RANBP17: variants seen among roughly 807,000 people sequenced by gnomAD.
RANBP17 encodes ran-binding protein 17.
Under a neutral mutation model 141.2 loss-of-function variants are expected in RANBP17, and 158 were observed. The ratio of observed to expected loss-of-function variants is 1.12; its 90% CI spans 0.98 to 1.28. The LOEUF (loss-of-function observed/expected upper bound fraction) is 1.28, where lower values mean the gene tolerates loss of function less well. Ranked by LOEUF, RANBP17 falls within the 50% of genes most tolerant of loss-of-function variation. RANBP17 has a pLI of 0.00. For synonymous variants in RANBP17, 430 were observed against 450.0 expected, an observed-to-expected ratio of 0.96 and a Z score of 0.56; for missense variants, 1,438 against 1,290.7, an observed-to-expected ratio of 1.11 and a Z score of -1.75.
intron 18 of RANBP17, among the ~76,000 whole-genome samples, chr5:171,184,670 A>G (rs1359936025): frequency 6.6e-6 from 1 of 152,204 alleles, no homozygotes; most frequent in Non-Finnish European, 1.5e-5. Flanking sequence ...AATTAGTTAG[A>G]TTTAGTTACT....
intron 13 of RANBP17, among the ~76,000 whole-genome samples, chr5:170,966,560 A>G (rs1385502776): frequency 6.6e-6 from 1 of 152,152 alleles, no homozygotes; most frequent in Non-Finnish European, 1.5e-5. Flanking sequence ...GATAAGAGCT[A>G]TCTATGACAA....
intron 25 of RANBP17, among the ~76,000 whole-genome samples, chr5:171,268,309 CA>C (rs1766867169): frequency 6.6e-6 from 1 of 152,124 alleles, no homozygotes; most frequent in Admixed American, 6.5e-5. Context: ...GACCCCACAA[CA>C]ACCCTGAAAA....
chr5:170,943,596 G>A (rs893397493), intron 12 of RANBP17, among the ~76,000 whole-genome samples: 1 of 151,922 alleles, frequency 6.6e-6, no homozygotes, highest in Non-Finnish European at 1.5e-5. Flanking sequence ...TAGAAAAATG[G>A]AAAATTATAA....
At chr5:171,141,178 T>C (rs1229320684) in intron 14 of RANBP17, among the ~76,000 whole-genome samples, 1 of 152,196 alleles carries the variant, frequency 6.6e-6, no homozygotes, top group Non-Finnish European at 1.5e-5. Flanking sequence ...CCTTTCACTA[T>C]AACATGATTT....
chr5:170,888,924 A>G (rs1193919394), intron 3 of RANBP17, among the ~76,000 whole-genome samples: 3 of 152,072 alleles, frequency 2.0e-5, no homozygotes, highest in East Asian at 1.9e-4. Flanking sequence ...TTCAACATCA[A>G]TGGATGTTGA....
intron 14 of RANBP17, among the ~76,000 whole-genome samples, chr5:171,098,847 T>C (rs1252928898): frequency 6.6e-6 from 1 of 152,214 alleles, no homozygotes; most frequent in African/African-American, 2.4e-5. Flanking sequence ...GTTTCAGTTT[T>C]CTGCAACCCC....
intron 12 of RANBP17, among the ~76,000 whole-genome samples, chr5:170,942,109 T>C (rs1459029154): frequency 1.3e-5 from 2 of 152,164 alleles, no homozygotes; most frequent in Non-Finnish European, 2.9e-5. Flanking sequence ...GAAGTGCACA[T>C]GCGAGGGATC....
chr5:171,222,256 T>G (rs910544548), intron 22 of RANBP17, among the ~76,000 whole-genome samples: 1 of 152,200 alleles, frequency 6.6e-6, no homozygotes, highest in African/African-American at 2.4e-5. Context: ...TATGAAGAAC[T>G]TTTGGGTACT....
chr5:171,219,738 C>T (rs1763436127), intron 21 of RANBP17, among the ~76,000 whole-genome samples: 2 of 151,970 alleles, frequency 1.3e-5, no homozygotes, highest in South Asian at 2.1e-4. Context: ...TTTTCAGCTC[C>T]ATCAGGTCAT....
intron 14 of RANBP17, among the ~76,000 whole-genome samples, chr5:171,064,536 G>A (rs537637367): frequency 6.6e-6 from 1 of 152,090 alleles, no homozygotes; most frequent in Non-Finnish European, 1.5e-5. Flanking sequence ...TCACTCTGTT[G>A]CCCAGGCTGT....
intron 14 of RANBP17, among the ~76,000 whole-genome samples, chr5:170,974,530 C>T (rs565649483): frequency 1.3e-5 from 2 of 152,220 alleles, no homozygotes; most frequent in East Asian, 3.9e-4. Flanking sequence ...ATGCCAGTGG[C>T]TCTTTTAGTC....
At chr5:171,012,555 T>C (rs1384708517) in intron 14 of RANBP17, among the ~76,000 whole-genome samples, 2 of 152,160 alleles carry the variant, frequency 1.3e-5, no homozygotes, top group African/African-American at 2.4e-5. Context: ...AGAAGAATCA[T>C]TGGGCAAAGT....
chr5:171,005,060 G>A (rs1269985737), intron 14 of RANBP17, among the ~76,000 whole-genome samples: 1 of 152,116 alleles, frequency 6.6e-6, no homozygotes, highest in Non-Finnish European at 1.5e-5. Context: ...TGGGGTTTGA[G>A]GGCCGGATTC....
At chr5:171,134,588 T>A (rs1757144882) in intron 14 of RANBP17, among the ~76,000 whole-genome samples, 2 of 152,208 alleles carry the variant, frequency 1.3e-5, no homozygotes, top group Non-Finnish European at 2.9e-5. Flanking sequence ...GTCAAATAAA[T>A]ATTGCTCTTG....
intron 25 of RANBP17, among the ~76,000 whole-genome samples, chr5:171,283,497 C>G (rs1012424741): frequency 1.3e-5 from 2 of 152,246 alleles, no homozygotes; most frequent in African/African-American, 2.4e-5. Flanking sequence ...TTGGCCAGCA[C>G]TTTCTGTGCC....
chr5:171,252,689 C>A, intron 24 of RANBP17: 1 of 1,450,756 alleles, frequency 6.9e-7, no homozygotes, highest in Non-Finnish European at 9.7e-7. Flanking sequence ...TCAGGTGATG[C>A]CACCAATCCA....
intron 14 of RANBP17, among the ~76,000 whole-genome samples, chr5:171,107,910 T>C (rs1448842032): frequency 1.3e-5 from 2 of 152,220 alleles, no homozygotes; most frequent in African/African-American, 4.8e-5. Context: ...CTATAATACA[T>C]GCCGTACATC....
At chr5:171,122,114 C>T (rs955254630) in intron 14 of RANBP17, among the ~76,000 whole-genome samples, 4 of 152,194 alleles carry the variant, frequency 2.6e-5, no homozygotes, top group Non-Finnish European at 4.4e-5. Flanking sequence ...TGGCTCTACG[C>T]AGATCCAGTC....
intron 14 of RANBP17, among the ~76,000 whole-genome samples, chr5:171,137,572 A>ATGTGTGTGTGTGTGTGTGTGTG (rs140713117): frequency 2.8e-5 from 4 of 141,106 alleles, no homozygotes; most frequent in South Asian, 2.4e-4. Context: ...TTGACTTGAG[A>ATGTGTGTGTGTGTGTGTGTGTG]TGTGTGTGTG....
Sources: gnomAD v4.1 joint callset for allele counts (sites outside exome capture counted in the v4.1 genomes callset) on GRCh38, gnomAD v4.1.1 for gene constraint, MANE v1.5 for transcripts, NCBI Gene and HGNC (gene_info 2026-07-23, HGNC 2026-07-21) for gene names.